Variants in DNA2 observed in about 807,000 individuals in gnomAD.
The protein encoded by DNA2 is DNA replication ATP-dependent helicase/nuclease DNA2.
In DNA2, 101 loss-of-function variants were observed where a neutral mutation model predicts 119.1. The ratio of observed to expected loss-of-function variants is 0.85; its 90% CI spans 0.72 to 1.00. The LOEUF is 1.00. Ranked by LOEUF, DNA2 falls within the 50% of genes least tolerant of loss-of-function variation. DNA2 has a pLI of 0.00. For missense variants in DNA2, 1,121 were observed against 1,255.5 expected, an observed-to-expected ratio of 0.89 and a Z score of 1.62; for synonymous variants, 366 against 424.4, an observed-to-expected ratio of 0.86 and a Z score of 1.69.
intron 6 of DNA2, among the ~76,000 whole-genome samples, chr10:68,448,932 GGTGTGTGTGTGTGTGTGTGTGT>G (rs776191186): frequency 1.4e-5 from 2 of 142,300 alleles, no homozygotes; most frequent in Admixed American, 1.4e-4. Context: ...CACCACACCA[GGTGTGTGTGTGTGTGTGTGTGT>G]GTGTGTGTGT....
intron 9 of DNA2, among the ~76,000 whole-genome samples, chr10:68,438,245 C>A (rs114907826): frequency 0.025 from 3,830 of 152,212 alleles, 159 homozygotes; most frequent in African/African-American, 0.087. Context: ...TATAGCCAGG[C>A]GCGGTGGCTC....
rs2051680431 is a variant in DNA2, at chr10:68,422,627, T to G, written c.2403-23A>C. On this transcript the variant is annotated intron_variant, in intron 15 of 20. Transcript: ENST00000358410. ...GCTCTGTCAATAAATCAGATTCATGTTTATCAGTGTACTAAATCTGTTCCT... is the reference window on the plus strand; with the variant it reads ...GCTCTGTCAATAAATCAGATTCATGGTTATCAGTGTACTAAATCTGTTCCT... 3.1e-6 allele frequency: 5 copies of G among 1,613,322 alleles called. No individual in the cohort carries two copies. In the East Asian group the frequency reaches 1.1e-4, roughly 36 times the overall value.
chr10:68,471,661 T>C, intron 1 of DNA2, 130 bp downstream of exon 1: 1 of 1,141,892 alleles, frequency 8.8e-7, no homozygotes. Context: ...GCTCGTCGGG[T>C]GCCCAGGGAG....
intron 14 of DNA2, chr10:68,424,596 A>C: frequency 7.6e-7 from 1 of 1,309,230 alleles, no homozygotes; most frequent in Non-Finnish European, 1.1e-6. Context: ...GGACCGCAGC[A>C]AAAACCGCAA....
intron 19 of DNA2, among the ~76,000 whole-genome samples, chr10:68,418,002 A>ACAGGTGGTTAC (rs1296678135): frequency 1.3e-5 from 2 of 152,204 alleles, no homozygotes; most frequent in Non-Finnish European, 2.9e-5. Context: ...GCTGGGGAAG[A>ACAGGTGGTTAC]AGAAAATGGG....
At chr10:68,451,065 A>G (rs188531040) in intron 5 of DNA2, among the ~76,000 whole-genome samples, 10 of 150,920 alleles carry the variant, frequency 6.6e-5, no homozygotes, top group African/African-American at 2.4e-4. Context: ...GTGCCACTGC[A>G]CTACAACCTG....
chr10:68,456,294 T>C (rs971184978), intron 5 of DNA2, among the ~76,000 whole-genome samples: 9 of 152,170 alleles, frequency 5.9e-5, no homozygotes, highest in African/African-American at 1.9e-4. Context: ...GAGCCTGCTG[T>C]AGTTATACAG....
At chr10:68,420,071 G>C (rs956466159) in intron 17 of DNA2, among the ~76,000 whole-genome samples, 179 bp from the exon 18 acceptor site, 1 of 152,282 alleles carries the variant, frequency 6.6e-6, no homozygotes, top group Non-Finnish European at 1.5e-5. Context: ...AGAAAGCCAC[G>C]CAGAGGCCAC....
At chr10:68,471,661 T>G (rs1590080416) in intron 1 of DNA2, 130 bp downstream of exon 1, 2 of 1,141,892 alleles carry the variant, frequency 1.8e-6, no homozygotes. Context: ...GCTCGTCGGG[T>G]GCCCAGGGAG....
At chr10:68,424,687 A>G in intron 14 of DNA2, 4 of 1,606,554 alleles carry the variant, frequency 2.5e-6, no homozygotes, top group Non-Finnish European at 2.6e-6. Flanking sequence ...CAGAAGTACA[A>G]TGTCCGCTCC....
At chr10:68,432,152 A>G in intron 12 of DNA2, 54 bp downstream of exon 12, 1 of 1,315,702 alleles carries the variant, frequency 7.6e-7, no homozygotes, top group East Asian at 2.3e-5. Context: ...TACAGTATAA[A>G]TCAAATAGAA....
At chr10:68,449,944 A>G (rs2052095405) in intron 6 of DNA2, 84 bp downstream of exon 6, 1 of 1,022,286 alleles carries the variant, frequency 9.8e-7, no homozygotes, top group African/African-American at 1.6e-5. Flanking sequence ...ACTGCTCTCC[A>G]GCCTGGGAGA....
chr10:68,419,281 A>T, intron 18 of DNA2, 68 bp from the exon 19 acceptor site: 1 of 1,235,082 alleles, frequency 8.1e-7, no homozygotes, highest in Non-Finnish European at 1.1e-6. Context: ...TGAATTTAAT[A>T]ATTAAATGTT....
chr10:68,419,313 G>GT, intron 18 of DNA2, 100 bp from the exon 19 acceptor site: 1 of 924,244 alleles, frequency 1.1e-6, no homozygotes, highest in Non-Finnish European at 1.5e-6. Context: ...CCCAACTGAT[G>GT]TTTATAACAA....
At chr10:68,472,493 G>C (rs2052394941), upstream of DNA2, among the ~76,000 whole-genome samples, 2 of 152,142 alleles carry the variant, frequency 1.3e-5, no homozygotes, top group Admixed American at 1.3e-4. Flanking sequence ...CCAGCACTTC[G>C]GAAGGCTGAG....
rs772440931 is a variant in DNA2, at chr10:68,450,171, A to G, written c.796T>C (p.Trp266Arg). 5 of 1,607,476 alleles carry G rather than the reference A, an allele frequency of 3.1e-6. No homozygotes were observed. In the Middle Eastern group the frequency reaches 4.9e-4, roughly 159 times the overall value. Residue 266 changes from tryptophan to arginine, a missense_variant, in exon 6 of 21, where the codon TGG becomes CGG. Coordinates refer to ENST00000358410, the MANE Select transcript of DNA2 (RefSeq NM_001080449.3). Reference sequence around the variant, plus strand: ...CCTTTCAATCCAAACCTAGGGGACCAAATGCTTTCTTCAATATCCATTGGT... The same window carrying G: ...CCTTTCAATCCAAACCTAGGGGACCGAATGCTTTCTTCAATATCCATTGGT... Reference protein sequence around the residue: ...VKPMDIEESIWSPRFGLKGKI... With the variant: ...VKPMDIEESIRSPRFGLKGKI...
At chr10:68,461,234 T>A (rs2133436577) in intron 4 of DNA2, among the ~76,000 whole-genome samples, 1 of 152,290 alleles carries the variant, frequency 6.6e-6, no homozygotes, top group South Asian at 2.1e-4. Flanking sequence ...CAAAATTATG[T>A]CGTAACAATA....
At chr10:68,430,734 A>G (rs1216538710) in intron 13 of DNA2, 74 bp from the exon 14 acceptor site, 31 of 1,165,494 alleles carry the variant, frequency 2.7e-5, no homozygotes, top group Non-Finnish European at 3.6e-5. Flanking sequence ...ATGTTTATAA[A>G]CTTAACAAGA....
intron 19 of DNA2, 65 bp from the exon 20 acceptor site, chr10:68,416,920 C>T: frequency 4.3e-6 from 6 of 1,406,226 alleles, no homozygotes; most frequent in Non-Finnish European, 5.8e-6. Context: ...TACAACACAT[C>T]CCTACACAAT....
Sources: gnomAD v4.1 joint callset for allele counts (sites outside exome capture counted in the v4.1 genomes callset) on GRCh38, gnomAD v4.1.1 for gene constraint, MANE v1.5 for transcripts, NCBI Gene and HGNC (gene_info 2026-07-23, HGNC 2026-07-21) for gene names.